Variants in ABLIM2 observed in about 807,000 individuals in gnomAD.
ABLIM2 encodes the protein actin binding LIM protein family member 2.
A neutral mutation model predicts 97.7 loss-of-function variants in ABLIM2; 53 were observed. That is an observed-to-expected ratio of 0.54 (90% CI 0.44 to 0.68). ABLIM2 has a LOEUF of 0.68. ABLIM2 is among the 30% of genes least tolerant of loss of function. ABLIM2 has a pLI of 0.00. For synonymous variants in ABLIM2, 361 were observed against 345.8 expected, an observed-to-expected ratio of 1.04 and a Z score of -0.49; for missense variants, 835 against 867.2, an observed-to-expected ratio of 0.96 and a Z score of 0.47.
At position 8,127,282 on chromosome 4, in the gene ABLIM2, T is replaced by G. The variant is rs764242360; in HGVS notation, c.11-20645A>C. Among the ~76,000 whole-genome samples, 20 of 152,262 alleles carry G rather than the reference T, an allele frequency of 1.3e-4. No homozygotes were observed. The highest frequency in any genetic ancestry group is 4.6e-4 in the African/African-American group (19 of 41,564). On this transcript the variant is annotated intron_variant, in intron 1 of 20. Transcript: ENST00000447017. The surrounding 1 kb of genome is among the most constrained non-coding windows in gnomAD (Gnocchi z 7.3). The stretch of plus-strand genomic sequence containing the variant: ...GATCAGACTCTTCCCGTCCCCAGCC[T>G]TAGCTGACCTGTACAATGGGGTCAC...
rs549175267 is a variant in ABLIM2, at chr4:8,140,203, G to A, written c.10+18477C>T. ...GGTGCGGCAAACCACCATGGCACAC[G>A]TTTACCTGTGTAACAAACCTGCATG... On this transcript the variant is annotated intron_variant, in intron 1 of 20. Transcript: ENST00000447017. The surrounding 1 kb of genome is among the most constrained non-coding windows in gnomAD (Gnocchi z 5.9). Among the ~76,000 whole-genome samples the A allele has an allele frequency of 6.6e-6, 1 of 152,230 alleles. No homozygotes were observed. Among genetic ancestry groups the A allele is most frequent in the South Asian group, 2.1e-4 (1 of 4,818 alleles).
rs1823198835 is a variant in ABLIM2, at chr4:8,085,803, ACCTGCTG to A, written c.454+2359_454+2365del. 6.6e-6 allele frequency among the ~76,000 whole-genome samples: 1 copy of A among 152,196 alleles called. No homozygotes were observed. Among genetic ancestry groups the A allele is most frequent in the South Asian group, 2.1e-4 (1 of 4,832 alleles). On this transcript the variant is annotated intron_variant, in intron 4 of 20. Transcript: ENST00000447017. This position sits in a 1 kb window ranked among gnomAD's most constrained non-coding sequence, Gnocchi z 6.1. ...GTAGCATCCTCCCCCTTCCAGACCC[ACCTGCTG>A]GAATTCAGCCTGCGTCTCCAGTTTC... is the stretch of plus-strand genomic sequence containing the variant.
rs1260712576 is a variant in ABLIM2 at position 8,019,130 on chromosome 4, A to G, written c.1423+488T>C. Among the ~76,000 whole-genome samples the G allele has an allele frequency of 1.3e-5, 2 of 152,342 alleles. No individual in the cohort carries two copies. The highest frequency in any genetic ancestry group is 3.9e-4 in the East Asian group (2 of 5,190). On this transcript the variant is annotated intron_variant, in intron 14 of 20. Coordinates refer to ENST00000447017, the MANE Select transcript of ABLIM2 (RefSeq NM_001130083.2). This position sits in a 1 kb window ranked among gnomAD's most constrained non-coding sequence, Gnocchi z 4.3. ...ATTTGCTTATGCAAGAAATCTCCGT[A>G]ACGGAAGGCAAGGTCACCCATCCCA...
chr4:8,051,499 G>A (rs1460296219), intron 8 of ABLIM2, among the ~76,000 whole-genome samples: 1 of 149,354 alleles, frequency 6.7e-6, no homozygotes, highest in Non-Finnish European at 1.5e-5. Flanking sequence ...AGAGGTTGCA[G>A]TGAGCTGAGA....
chr4:8,047,245 T>C lies in ABLIM2; in HGVS notation c.823-2004A>G, dbSNP rs570968298. Among the ~76,000 whole-genome samples, 8 of 152,202 alleles carry C rather than the reference T, an allele frequency of 5.3e-5. No individual in the cohort carries two copies. The South Asian group carries it at 1.5e-3, about 28-fold the overall frequency. On this transcript the variant is annotated intron_variant, in intron 8 of 20. Coordinates refer to ENST00000447017, the MANE Select transcript of ABLIM2 (RefSeq NM_001130083.2). ...GGAGAGGAGGGAGTGGGCATGACAC[T>C]CCACCACCTGTCCGCCACCTCTGCA...
Position 8,022,366 on chromosome 4 carries a change from A to G in ABLIM2, c.1268-2063T>C, listed in dbSNP as rs999422272. Among the ~76,000 whole-genome samples the G allele has an allele frequency of 6.6e-5, 10 of 152,204 alleles. No homozygotes were observed. Among genetic ancestry groups the G allele is most frequent in the Non-Finnish European group, 2.9e-5 (2 of 68,032 alleles). On this transcript the variant is annotated intron_variant, in intron 12 of 20. Coordinates refer to ENST00000447017, the MANE Select transcript of ABLIM2 (RefSeq NM_001130083.2). The surrounding 1 kb of genome is among the most constrained non-coding windows in gnomAD (Gnocchi z 7.8). ...CCAGCCACAGGGCAGCATCCCCTGA[A>G]GTTTCAAACCAGAGTCTGTGGACAC...
intron 6 of ABLIM2, among the ~76,000 whole-genome samples, chr4:8,063,527 G>A (rs1804840465): frequency 6.6e-6 from 1 of 152,262 alleles, no homozygotes; most frequent in Non-Finnish European, 1.5e-5. Flanking sequence ...AACAGGCACA[G>A]AGAGGTGGAA....
chr4:8,138,502 G>A (rs992232789), intron 1 of ABLIM2, among the ~76,000 whole-genome samples: 2 of 152,084 alleles, frequency 1.3e-5, no homozygotes, highest in Non-Finnish European at 2.9e-5. Flanking sequence ...AAACAGCATG[G>A]TACTGGTACA....
At position 8,061,485 on chromosome 4, in the gene ABLIM2, G is replaced by A. The variant is rs1273230373; in HGVS notation, c.676-431C>T. Among the ~76,000 whole-genome samples the A allele has an allele frequency of 1.3e-5, 2 of 152,008 alleles. No homozygotes were observed. Among genetic ancestry groups the A allele is most frequent in the African/African-American group, 4.8e-5 (2 of 41,368 alleles). ...TAGGTGCAAGAATTAGGGGAGTGGG[G>A]TGAAAAAGGATGAATACTTTCCTTT... On this transcript the variant is annotated intron_variant, in intron 6 of 20. Transcript: ENST00000447017. This position sits in a 1 kb window ranked among gnomAD's most constrained non-coding sequence, Gnocchi z 4.5.
chr4:8,066,362 GA>G (rs759434010), intron 6 of ABLIM2, among the ~76,000 whole-genome samples: 21,097 of 48,164 alleles, frequency 0.44, 4,170 homozygotes, highest in East Asian at 0.7. Context: ...GGGAGGGAGG[GA>G]AGGAAGGAAG....
intron 6 of ABLIM2, among the ~76,000 whole-genome samples, chr4:8,066,291 G>A (rs1807280211): frequency 7.1e-6 from 1 of 140,808 alleles, no homozygotes; most frequent in Non-Finnish European, 1.5e-5. Context: ...GGGCAACAGA[G>A]AGAGACTATG....
chr4:7,979,036 G>T (rs1735936215), intron 20 of ABLIM2, among the ~76,000 whole-genome samples: 1 of 152,170 alleles, frequency 6.6e-6, no homozygotes, highest in South Asian at 2.1e-4. Context: ...CAGATGCTGG[G>T]CTTCTCCACC....
rs569742745 is a variant in ABLIM2, at chr4:8,071,271, C to T, written c.675+6357G>A. On this transcript the variant is annotated intron_variant, in intron 6 of 20. Transcript: ENST00000447017. The surrounding 1 kb of genome is among the most constrained non-coding windows in gnomAD (Gnocchi z 6.2). ...CTCCCCCATCCCTAGCCAGCCATCC[C>T]GGCCCAGGAGTGGGACACAGATATC... Among the ~76,000 whole-genome samples, 30 of 152,308 alleles carry T rather than the reference C, an allele frequency of 2.0e-4. No homozygotes were observed. Among genetic ancestry groups the T allele is most frequent in the Admixed American group, 2.6e-4 (4 of 15,298 alleles).
chr4:7,985,029 C>T, intron 17 of ABLIM2, 136 bp from the exon 18 acceptor site: 2 of 834,120 alleles, frequency 2.4e-6, no homozygotes, highest in Non-Finnish European at 1.9e-6. Flanking sequence ...CTTAGCACAG[C>T]AGTGGGGCGT....
chr4:7,990,676 T>C (rs373158024), intron 17 of ABLIM2, among the ~76,000 whole-genome samples: 3 of 152,114 alleles, frequency 2.0e-5, no homozygotes, highest in African/African-American at 7.2e-5. Flanking sequence ...TTAGGAGCAC[T>C]GTAGGCCATC....
At chr4:8,050,538 C>G (rs1003486422) in intron 8 of ABLIM2, among the ~76,000 whole-genome samples, 2 of 152,198 alleles carry the variant, frequency 1.3e-5, no homozygotes, top group African/African-American at 2.4e-5. Context: ...GTCATTTCTC[C>G]TCTTGACTAG....
intron 2 of ABLIM2, among the ~76,000 whole-genome samples, chr4:8,100,518 G>A (rs775784510): frequency 5.9e-5 from 9 of 152,084 alleles, no homozygotes; most frequent in Non-Finnish European, 1.3e-4. Context: ...AGGCTGAGGG[G>A]GGCGGATCAC....
At chr4:8,109,068 C>A (rs1417767075) in intron 1 of ABLIM2, among the ~76,000 whole-genome samples, 1 of 152,238 alleles carries the variant, frequency 6.6e-6, no homozygotes, top group African/African-American at 2.4e-5. Flanking sequence ...GTAGCATGTC[C>A]CAGCTCATCC....
chr4:8,115,084 C>A (rs1842222251), intron 1 of ABLIM2, among the ~76,000 whole-genome samples: 1 of 152,236 alleles, frequency 6.6e-6, no homozygotes, highest in Non-Finnish European at 1.5e-5. Context: ...AACAGCTTGG[C>A]TCTGCTTTGG....
Sources: allele counts gnomAD v4.1 joint callset (sites outside exome capture counted in the v4.1 genomes callset), GRCh38; gene constraint gnomAD v4.1.1; non-coding constraint Gnocchi (gnomAD v3.1); transcripts MANE v1.5; gene names NCBI Gene and HGNC (gene_info 2026-07-23, HGNC 2026-07-21).